CLYBL: variants seen among roughly 807,000 people sequenced by gnomAD.
CLYBL encodes citramalyl-CoA lyase.
Under a neutral mutation model 38.9 loss-of-function variants are expected in CLYBL, and 31 were observed. The ratio of observed to expected loss-of-function variants is 0.80; its 90% CI spans 0.60 to 1.08. The LOEUF (loss-of-function observed/expected upper bound fraction) is 1.08, where lower values mean the gene tolerates loss of function less well. Among genes scored for constraint, CLYBL ranks in the 50% least tolerant of loss-of-function variants. The probability of loss-of-function intolerance (pLI) is 0.00; values close to 1 mark genes in which losing one functional copy is unlikely to be tolerated. For missense variants in CLYBL, 434 were observed against 411.6 expected, an observed-to-expected ratio of 1.05 and a Z score of -0.47; for synonymous variants, 171 against 158.6, an observed-to-expected ratio of 1.08 and a Z score of -0.59.
chr13:99,793,641 C>T (rs1295572384), intron 2 of CLYBL, among the ~76,000 whole-genome samples: 1 of 152,126 alleles, frequency 6.6e-6, no homozygotes, highest in Admixed American at 6.5e-5. Flanking sequence ...CAGGCATCCT[C>T]TTAATGCAAG....
intron 1 of CLYBL, among the ~76,000 whole-genome samples, chr13:99,748,919 C>T (rs2048905391): frequency 6.6e-6 from 1 of 152,110 alleles, no homozygotes; most frequent in Non-Finnish European, 1.5e-5. Context: ...GGCAGGTCGC[C>T]TGTAATCCCA....
At chr13:99,698,523 C>T (rs1233239736) in intron 1 of CLYBL, among the ~76,000 whole-genome samples, 1 of 152,086 alleles carries the variant, frequency 6.6e-6, no homozygotes, top group Non-Finnish European at 1.5e-5. Flanking sequence ...GAAATGAACC[C>T]TTGGAGGCCC....
chr13:99,792,425 C>T (rs1229175680), intron 2 of CLYBL, among the ~76,000 whole-genome samples: 10 of 152,102 alleles, frequency 6.6e-5, no homozygotes, highest in South Asian at 2.1e-4. Context: ...TCAGAGCAGC[C>T]GCTCTCTTCT....
At chr13:99,891,058 TAACTG>T (rs1196591060) in intron 7 of CLYBL, among the ~76,000 whole-genome samples, 3 of 152,154 alleles carry the variant, frequency 2.0e-5, no homozygotes, top group Non-Finnish European at 4.4e-5. Context: ...TTTCAAGAGT[TAACTG>T]AACAGTTTGC....
intron 7 of CLYBL, among the ~76,000 whole-genome samples, chr13:99,887,098 C>G (rs2052368587): frequency 6.6e-6 from 1 of 152,232 alleles, no homozygotes; most frequent in African/African-American, 2.4e-5. Flanking sequence ...GCCAGCCTAA[C>G]CATTTCTACC....
chr13:99,882,781 T>C (rs563204033), intron 7 of CLYBL, among the ~76,000 whole-genome samples: 9 of 152,304 alleles, frequency 5.9e-5, no homozygotes, highest in Admixed American at 5.9e-4. Context: ...TGGAAACTAA[T>C]ATTCCAGGGC....
At chr13:99,843,014 C>A (rs533306488) in intron 2 of CLYBL, among the ~76,000 whole-genome samples, 2 of 152,284 alleles carry the variant, frequency 1.3e-5, no homozygotes, top group South Asian at 4.1e-4. Flanking sequence ...GAGTCAAGCA[C>A]TATTCTTATC....
In CLYBL at chr13:99,775,939, A is replaced by G. The variant is rs1053959009; in HGVS notation, c.249+2929A>G. ...AGCACTTTGGGAGGCTGAGGTGGGC[A>G]GATCACAAGGTCAGGAGATCAAGAC... On this transcript the variant is annotated intron_variant, in intron 2 of 8. Transcript: ENST00000339105. Among the ~76,000 whole-genome samples, 29 of 151,762 alleles carry G rather than the reference A, an allele frequency of 1.9e-4. No individual in the cohort carries two copies. In the East Asian group the frequency reaches 2.0e-3, roughly 10 times the overall value.
At chr13:99,838,890 C>A (rs1169489949) in intron 2 of CLYBL, among the ~76,000 whole-genome samples, 1 of 152,190 alleles carries the variant, frequency 6.6e-6, no homozygotes, top group Admixed American at 6.5e-5. Context: ...CCACCCGCCT[C>A]GGCCTCCCAA....
rs75453163 is a variant in CLYBL, at chr13:99,621,755, ATTTT to A, written c.62+15008_62+15011del. ...TCTTAAAACATGAGATTTTTTGGCG[ATTTT>A]TTTTTTTTTCCCTTTAGCTTATCAG... is the stretch of plus-strand genomic sequence containing the variant. On this transcript the variant is annotated intron_variant, in intron 1 of 8. Transcript: ENST00000339105. Among the ~76,000 whole-genome samples the A allele has an allele frequency of 8.9e-4, 135 of 150,996 alleles. No homozygotes were observed. The South Asian group carries it at 0.018, about 20-fold the overall frequency.
At chr13:99,888,585 AC>A (rs1265753905) in intron 7 of CLYBL, among the ~76,000 whole-genome samples, 3 of 152,092 alleles carry the variant, frequency 2.0e-5, no homozygotes, top group Non-Finnish European at 4.4e-5. Flanking sequence ...CCCAGTCTCT[AC>A]TAAAAATACA....
chr13:99,805,243 C>T (rs187909831), intron 2 of CLYBL, among the ~76,000 whole-genome samples: 16 of 152,196 alleles, frequency 1.1e-4, no homozygotes, highest in South Asian at 1.0e-3. Flanking sequence ...CGTGTCTGTT[C>T]GAGTCCCTGC....
At position 99,864,699 on chromosome 13, in the gene CLYBL, G is replaced by A. The variant is rs1051154892; in HGVS notation, c.541-119G>A. On this transcript the variant is annotated intron_variant, in intron 4 of 8. Coordinates refer to ENST00000339105, the MANE Select transcript of CLYBL (RefSeq NM_206808.5). ...GGGTAAATTTGGGCTGCGTTTTTAG[G>A]ACTGCTTTCAGCCAAACTGTGTTAA... The A allele has an allele frequency of 4.3e-6, 3 of 700,702 alleles. No individual in the cohort carries two copies. The African/African-American group carries it at 5.4e-5, about 13-fold the overall frequency. The allele number at this position is 700,702 out of a possible 1,614,324, so 43.4% of individuals were successfully genotyped here.
At chr13:99,714,273 A>G (rs975570392) in intron 1 of CLYBL, among the ~76,000 whole-genome samples, 1 of 151,948 alleles carries the variant, frequency 6.6e-6, no homozygotes, top group Non-Finnish European at 1.5e-5. Flanking sequence ...TTTCAAGTTG[A>G]TAACTTTTGT....
intron 1 of CLYBL, among the ~76,000 whole-genome samples, chr13:99,750,604 G>A (rs568239198): frequency 9.2e-4 from 139 of 151,910 alleles, no homozygotes; most frequent in African/African-American, 3.2e-3. Context: ...AACCTGGGAG[G>A]CGGAGGTTGT....
rs557633756 is a variant in CLYBL at position 99,865,702 on chromosome 13, T to G, written c.635-538T>G. 2.6e-5 allele frequency among the ~76,000 whole-genome samples: 4 copies of G among 152,322 alleles called. No individual in the cohort carries two copies. The East Asian group carries it at 7.7e-4, about 29-fold the overall frequency. On this transcript the variant is annotated intron_variant, in intron 5 of 8. Transcript: ENST00000339105. The surrounding 1 kb of genome is among the most constrained non-coding windows in gnomAD (Gnocchi z 4.7). ...GGTTCAGCGGGCTACAGAAGGCATA[T>G]CGATGCTTTCCAGCCCTCTCAAAAC...
chr13:99,658,235 C>T (rs1454135512), intron 1 of CLYBL, among the ~76,000 whole-genome samples: 2 of 152,236 alleles, frequency 1.3e-5, no homozygotes, highest in African/African-American at 2.4e-5. Flanking sequence ...TTTTTGGCAC[C>T]AGCAGCTTCA....
intron 1 of CLYBL, among the ~76,000 whole-genome samples, chr13:99,632,763 C>CA (rs1001311841): frequency 1.3e-5 from 2 of 150,726 alleles, no homozygotes; most frequent in Admixed American, 6.6e-5. Context: ...AAAACAAAAA[C>CA]AAAAAAACCC....
At chr13:99,890,144 G>T (rs2052452014) in intron 7 of CLYBL, among the ~76,000 whole-genome samples, 1 of 152,210 alleles carries the variant, frequency 6.6e-6, no homozygotes. Flanking sequence ...TGCACTTAAA[G>T]AAGCTACCTT....
Sources: gnomAD v4.1 joint callset for allele counts (sites outside exome capture counted in the v4.1 genomes callset) on GRCh38, gnomAD v4.1.1 for gene constraint, Gnocchi (gnomAD v3.1) non-coding constraint, MANE v1.5 for transcripts, NCBI Gene and HGNC (gene_info 2026-07-23, HGNC 2026-07-21) for gene names.